FERRY3: variants seen among roughly 807,000 people sequenced by gnomAD.
FERRY3 encodes the protein protein C12orf4.
the FERRY3 span, among the ~76,000 whole-genome samples, chr12:4,506,970 C>A: frequency 1.3e-5 from 2 of 152,106 alleles, no homozygotes; most frequent in East Asian, 1.9e-4. Flanking sequence ...CTTTTATAAA[C>A]CTACTTGCAT....
chr12:4,492,614 C>T, the FERRY3 span, among the ~76,000 whole-genome samples: 16 of 152,310 alleles, frequency 1.1e-4, no homozygotes, highest in South Asian at 1.7e-3. Context: ...CATTTCCCCC[C>T]CTCTGCCCTG....
chr12:4,532,150 C>T, the FERRY3 span, among the ~76,000 whole-genome samples: 1 of 149,956 alleles, frequency 6.7e-6, no homozygotes, highest in South Asian at 2.1e-4. Flanking sequence ...TATGTGTGGC[C>T]GAAGACAATT....
At chr12:4,504,801 T>TA in the FERRY3 span, among the ~76,000 whole-genome samples, 1 of 152,120 alleles carries the variant, frequency 6.6e-6, no homozygotes, top group Non-Finnish European at 1.5e-5. Flanking sequence ...TGAGTACTAG[T>TA]ATAATATTAA....
chr12:4,520,589 C>T, the FERRY3 span, among the ~76,000 whole-genome samples: 2 of 152,096 alleles, frequency 1.3e-5, no homozygotes, highest in African/African-American at 2.4e-5. Context: ...AAAATGAAGC[C>T]GGTGGTACAT....
the FERRY3 span, chr12:4,488,474 C>T: frequency 6.6e-6 from 1 of 152,236 alleles, no homozygotes; most frequent in Admixed American, 6.5e-5. This position sits in a 1 kb window ranked among gnomAD's most constrained non-coding sequence, Gnocchi z 4.9. Flanking sequence ...TCGCCAGGCT[C>T]CCTGACAAAT....
At chr12:4,500,336 T>C in the FERRY3 span, 1 of 1,612,888 alleles carries the variant, frequency 6.2e-7, no homozygotes, top group Non-Finnish European at 8.5e-7. Context: ...TAATATAAAA[T>C]TCCCCTGTGA....
the FERRY3 span, chr12:4,490,695 A>C: frequency 7.2e-6 from 6 of 837,052 alleles, no homozygotes; most frequent in Non-Finnish European, 1.1e-5. Context: ...TCATGTCTTG[A>C]CTTTTTAGGT....
chr12:4,509,776 G>A, the FERRY3 span, among the ~76,000 whole-genome samples: 5 of 140,436 alleles, frequency 3.6e-5, no homozygotes, highest in Non-Finnish European at 7.6e-5. Context: ...ACCAAAAGTA[G>A]ATAAAACCAC....
At chr12:4,525,547 C>G in the FERRY3 span, 5 of 1,611,978 alleles carry the variant, frequency 3.1e-6, no homozygotes, top group South Asian at 4.4e-5. Context: ...GTGATTTTCC[C>G]AATTCCTGCA....
At chr12:4,507,731 T>C in the FERRY3 span, among the ~76,000 whole-genome samples, 1 of 152,150 alleles carries the variant, frequency 6.6e-6, no homozygotes, top group Middle Eastern at 3.2e-3. Context: ...AGTATGAGGA[T>C]GGTCTTTATG....
At chr12:4,488,940 G>A in the FERRY3 span, 2 of 152,246 alleles carry the variant, frequency 1.3e-5, no homozygotes, top group African/African-American at 4.8e-5. The surrounding 1 kb of genome is among the most constrained non-coding windows in gnomAD (Gnocchi z 4.9). Flanking sequence ...AGGGGAAACA[G>A]AGAAGCAGAA....
At chr12:4,522,872 T>C in the FERRY3 span, among the ~76,000 whole-genome samples, 2 of 152,214 alleles carry the variant, frequency 1.3e-5, no homozygotes, top group Admixed American at 1.3e-4. Flanking sequence ...CCAATGAGTC[T>C]CAAAAGTATT....
chr12:4,525,163 GACAT>G, the FERRY3 span: 1 of 1,435,140 alleles, frequency 7.0e-7, no homozygotes, highest in Non-Finnish European at 9.4e-7. Flanking sequence ...AAATTAAAAA[GACAT>G]ACAGCTAAAA....
the FERRY3 span, among the ~76,000 whole-genome samples, chr12:4,493,233 G>A: frequency 1.3e-5 from 2 of 152,182 alleles, no homozygotes; most frequent in African/African-American, 4.8e-5. Flanking sequence ...GGAGGGCAGA[G>A]GAATGGGCAG....
chr12:4,534,467 G>A, the FERRY3 span, among the ~76,000 whole-genome samples: 1 of 152,276 alleles, frequency 6.6e-6, no homozygotes, highest in South Asian at 2.1e-4. Context: ...GCAGTGGCAT[G>A]ATCACAGTTC....
At chr12:4,491,762 T>C in the FERRY3 span, among the ~76,000 whole-genome samples, 1 of 152,226 alleles carries the variant, frequency 6.6e-6, no homozygotes, top group Non-Finnish European at 1.5e-5. Flanking sequence ...ACTGATAATC[T>C]TCCACAGTAT....
chr12:4,491,301 C>A, the FERRY3 span: 1 of 1,413,796 alleles, frequency 7.1e-7, no homozygotes, highest in Non-Finnish European at 1.0e-6. Flanking sequence ...AAAGTCAGAT[C>A]TTTATCTATA....
At chr12:4,528,942 C>A in the FERRY3 span, among the ~76,000 whole-genome samples, 23 of 142,628 alleles carry the variant, frequency 1.6e-4, no homozygotes, top group African/African-American at 6.0e-4. Flanking sequence ...CACACACAAA[C>A]AAAAGTGATT....
the FERRY3 span, among the ~76,000 whole-genome samples, chr12:4,537,814 G>A: frequency 1.2e-4 from 18 of 152,232 alleles, no homozygotes; most frequent in East Asian, 2.7e-3. Flanking sequence ...ATTCTATGAT[G>A]TAGAAATTTC....
Sources: gnomAD v4.1 joint callset for allele counts (sites outside exome capture counted in the v4.1 genomes callset) on GRCh38, gnomAD v4.1.1 for gene constraint, Gnocchi (gnomAD v3.1) non-coding constraint, MANE v1.5 for transcripts, NCBI Gene and HGNC (gene_info 2026-07-23, HGNC 2026-07-21) for gene names.